ZC3H11A: variants seen among roughly 807,000 people sequenced by gnomAD.
ZC3H11A encodes zinc finger CCCH-type containing 11A, also known as zinc finger CCCH domain-containing protein 11A.
A neutral mutation model predicts 90.8 loss-of-function variants in ZC3H11A; 22 were observed. The observed-to-expected ratio is 0.24, with a 90% CI of 0.17 to 0.35. The LOEUF is 0.35. Ranked by LOEUF, ZC3H11A falls within the 10% of genes least tolerant of loss-of-function variation. ZC3H11A has a pLI of 1.00. For synonymous variants in ZC3H11A, 294 were observed against 339.8 expected (o/e 0.87, Z 1.48); for missense variants, 701 against 964.9 (o/e 0.73, Z 3.62).
intron 2 of ZC3H11A, among the ~76,000 whole-genome samples, chr1:203,803,995 C>T (rs778206171): frequency 2.0e-5 from 3 of 152,090 alleles, no homozygotes; most frequent in Admixed American, 1.3e-4. Flanking sequence ...GAATTACATT[C>T]GATGTGTGCA....
At chr1:203,811,294 G>A (rs1674421862) in intron 2 of ZC3H11A, among the ~76,000 whole-genome samples, 1 of 152,078 alleles carries the variant, frequency 6.6e-6, no homozygotes, top group Non-Finnish European at 1.5e-5. Flanking sequence ...GGCAACAAGA[G>A]CAAAACTCGA....
rs1222277372 is a variant in ZC3H11A at position 203,852,209 on chromosome 1, C to G, written c.2243C>G (p.Ser748Cys). 1 of 1,613,430 alleles carries G rather than the reference C, an allele frequency of 6.2e-7. No individual in the cohort carries two copies. Among genetic ancestry groups the G allele is most frequent in the East Asian group, 2.2e-5 (1 of 44,854 alleles). Reference sequence around the variant, plus strand: ...CCGGAGGTGTCTGGCCCTTCCTCATCCCAAATGAGCATGAAAACTCGCCGA... The same window carrying G: ...CCGGAGGTGTCTGGCCCTTCCTCATGCCAAATGAGCATGAAAACTCGCCGA... ...SPPEVSGPSSSQMSMKTRRLS... is the reference protein window; with the variant it reads ...SPPEVSGPSSCQMSMKTRRLS... Residue 748 changes from serine (S) to cysteine (C), a missense_variant, in exon 18 of 18, where the codon TCC becomes TGC. This residue lies in a region of ZC3H11A where 91 missense variants were observed against 86.8 expected (regional missense o/e 1.05). Coordinates refer to ENST00000367210, the MANE Select transcript of ZC3H11A (RefSeq NM_001376342.1).
chr1:203,796,672 T>C (rs1668608469), intron 1 of ZC3H11A: 1 of 386,770 alleles, frequency 2.6e-6, no homozygotes. Flanking sequence ...AAGTTCATAT[T>C]TCACTTTTTG....
chr1:203,796,809 A>G, intron 1 of ZC3H11A: 1 of 195,334 alleles, frequency 5.1e-6, no homozygotes, highest in Non-Finnish European at 1.0e-5. Context: ...TGCAGCATTT[A>G]ACCTTGTTTT....
At chr1:203,830,671 G>T (rs748412147) in intron 8 of ZC3H11A, among the ~76,000 whole-genome samples, 1 of 151,912 alleles carries the variant, frequency 6.6e-6, no homozygotes, top group Non-Finnish European at 1.5e-5. Flanking sequence ...TAGCCAGGCG[G>T]GGTGGCATGC....
At chr1:203,799,121 CTGTT>C in intron 1 of ZC3H11A, 4 of 1,527,224 alleles carry the variant, frequency 2.6e-6, no homozygotes, top group Non-Finnish European at 3.5e-6. Context: ...TGGCTAAAGA[CTGTT>C]TGATAACCAA....
chr1:203,799,794 A>G, intron 1 of ZC3H11A: 3 of 1,216,830 alleles, frequency 2.5e-6, no homozygotes, highest in Non-Finnish European at 3.5e-6. Context: ...ACTAAGTGCC[A>G]TGCTTAAATC....
chr1:203,804,845 G>A (rs564269367), intron 2 of ZC3H11A, among the ~76,000 whole-genome samples: 1 of 151,190 alleles, frequency 6.6e-6, no homozygotes, highest in Admixed American at 6.6e-5. Context: ...GCTGATTTTT[G>A]TATTTTTAGT....
chr1:203,818,081 C>T (rs912129022), intron 3 of ZC3H11A, among the ~76,000 whole-genome samples: 1 of 152,088 alleles, frequency 6.6e-6, no homozygotes, highest in Non-Finnish European at 1.5e-5. Flanking sequence ...TTGAGCAAAG[C>T]TGTGATAATT....
chr1:203,798,532 C>T (rs1669425358), intron 1 of ZC3H11A: 16 of 1,536,110 alleles, frequency 1.0e-5, no homozygotes, highest in Non-Finnish European at 1.4e-5. Context: ...GAAGCTGAGA[C>T]TGAGAGAAGT....
chr1:203,843,122 C>T (rs1270930638), intron 12 of ZC3H11A, among the ~76,000 whole-genome samples: 1 of 152,026 alleles, frequency 6.6e-6, no homozygotes, highest in African/African-American at 2.4e-5. Context: ...TTGTATGCAA[C>T]CTGAATTATT....
intron 1 of ZC3H11A, chr1:203,798,240 C>T (rs1669300930): frequency 3.3e-6 from 5 of 1,536,070 alleles, no homozygotes; most frequent in Non-Finnish European, 4.4e-6. Flanking sequence ...ATCTGATGCC[C>T]TAAGGGCAGA....
At position 203,849,698 on chromosome 1, in the gene ZC3H11A, A is replaced by T; in HGVS notation, c.1624-13A>T. ...TACCAGATTTTAATTCTGTCATTCA[A>T]ATTTATCCACAGGCTTCAGGTGAGA... is the stretch of plus-strand genomic sequence containing the variant. On this transcript the variant is annotated splice_polypyrimidine_tract_variant and intron_variant, in intron 14 of 17. Transcript: ENST00000367210. The T allele has an allele frequency of 6.2e-7, 1 of 1,612,980 alleles. No homozygotes were observed. The highest frequency in any genetic ancestry group is 1.1e-5 in the South Asian group (1 of 91,034).
chr1:203,803,951 T>A lies in ZC3H11A; in HGVS notation c.-146+935T>A, dbSNP rs1671315540. ...GATTCTAGATGATTTTATAATCAAG[T>A]TCCAGTAATAAACTCTAATTGGGAT... On this transcript the variant is annotated intron_variant, in intron 2 of 17. Transcript: ENST00000367210. Among the ~76,000 whole-genome samples the A allele has an allele frequency of 2.0e-5, 3 of 152,304 alleles. 1 individual carries two copies. The Middle Eastern group carries it at 0.01, about 518-fold the overall frequency.
chr1:203,843,614 C>T (rs966707179), intron 12 of ZC3H11A, among the ~76,000 whole-genome samples: 6 of 152,166 alleles, frequency 3.9e-5, no homozygotes, highest in African/African-American at 1.4e-4. Flanking sequence ...CAGCCATATG[C>T]ATATGTATGC....
intron 7 of ZC3H11A, 78 bp from the exon 8 acceptor site, chr1:203,830,045 A>G: frequency 7.4e-7 from 1 of 1,355,852 alleles, no homozygotes; most frequent in Non-Finnish European, 1.0e-6. Context: ...ATTCAAAAAT[A>G]AATGCCTGCT....
rs1361010124 is a variant in ZC3H11A, at chr1:203,853,683, G to T, written c.*1284G>T. On this transcript the variant is annotated 3_prime_UTR_variant, in exon 18 of 18. Transcript: ENST00000367210. Reference sequence around the variant, plus strand: ...CTCCTAAGGAACTGCTGTTGTAAGCGGCTCATCAAGAGTTGAACTTCACGT... The same window carrying T: ...CTCCTAAGGAACTGCTGTTGTAAGCTGCTCATCAAGAGTTGAACTTCACGT... The T allele has an allele frequency of 2.6e-5, 4 of 152,618 alleles. No homozygotes were observed. Among genetic ancestry groups the T allele is most frequent in the Admixed American group, 2.6e-4 (4 of 15,280 alleles). The allele number at this position is 152,618 out of a possible 1,614,324, so 9.5% of individuals were successfully genotyped here.
intron 2 of ZC3H11A, among the ~76,000 whole-genome samples, chr1:203,804,599 T>A (rs1444441439): frequency 6.6e-6 from 1 of 152,086 alleles, no homozygotes; most frequent in Non-Finnish European, 1.5e-5. Flanking sequence ...ATTTTCAATT[T>A]GTTTTAGTTG....
At position 203,840,351 on chromosome 1, in the gene ZC3H11A, A is replaced by G. The variant is rs770536603; in HGVS notation, c.1019A>G (p.Asp340Gly). ...SLKERLGMSA[D>G]PDNEDATDKV... The stretch of plus-strand genomic sequence containing the variant: ...AAGGAGCGATTAGGCATGTCAGCTG[A>G]TCCAGATAATGAGGATGCAACAGGT... The change falls in exon 12 of 18, where the codon GAT (aspartate) becomes GGT (glycine). Residue 340 changes from aspartate (D) to glycine (G), a missense_variant. Coordinates refer to ENST00000367210, the MANE Select transcript of ZC3H11A (RefSeq NM_001376342.1). The G allele has an allele frequency of 6.2e-7, 1 of 1,613,320 alleles. No individual in the cohort carries two copies. Among genetic ancestry groups the G allele is most frequent in the Admixed American group, 1.7e-5 (1 of 59,972 alleles).
Sources: gnomAD v4.1 joint callset for allele counts (sites outside exome capture counted in the v4.1 genomes callset) on GRCh38, gnomAD v4.1.1 for gene constraint, gnomAD v4.1.1 regional missense constraint, MANE v1.5 for transcripts, NCBI Gene and HGNC (gene_info 2026-07-23, HGNC 2026-07-21) for gene names.